Variants in GALNT14 observed in about 807,000 individuals in gnomAD.
The protein encoded by GALNT14 is polypeptide N-acetylgalactosaminyltransferase 14.
GALNT14 carries 60 observed loss-of-function variants against 77.5 expected under a neutral mutation model. The ratio of observed to expected loss-of-function variants is 0.77; its 90% CI spans 0.63 to 0.96. GALNT14 has a LOEUF of 0.96. Among genes scored for constraint, GALNT14 ranks in the 40% least tolerant of loss-of-function variants. The pLI is 0.00. For missense variants in GALNT14, 710 were observed against 731.0 expected (o/e 0.97, Z 0.33); for synonymous variants, 280 against 281.7 (o/e 0.99, Z 0.06).
In GALNT14 at chr2:30,921,267, C is replaced by T. The variant is rs145668882; in HGVS notation, c.1380+2852G>A. On this transcript the variant is annotated intron_variant, in intron 13 of 14. Transcript: ENST00000349752. ...GAAAAGTCCCCTGTTCTGCTGGAAA[C>T]AGACCAAGCACACTCCTGCCCCAGG... Among the ~76,000 whole-genome samples the T allele has an allele frequency of 2.8e-3, 428 of 152,276 alleles. 4 individuals carry two copies. Among genetic ancestry groups the T allele is most frequent in the African/African-American group, 0.01 (418 of 41,548 alleles).
intron 6 of GALNT14, among the ~76,000 whole-genome samples, chr2:30,948,177 C>A (rs1666817530): frequency 1.3e-5 from 2 of 152,240 alleles, no homozygotes; most frequent in South Asian, 4.1e-4. Flanking sequence ...TCAGAGATAT[C>A]TTCTGTATGT....
At chr2:31,105,560 T>C (rs1358072152) in intron 1 of GALNT14, among the ~76,000 whole-genome samples, 3 of 152,032 alleles carry the variant, frequency 2.0e-5, no homozygotes, top group African/African-American at 7.2e-5. Context: ...ACCCCATCTC[T>C]ACTAAAAATA....
intron 1 of GALNT14, among the ~76,000 whole-genome samples, chr2:31,117,738 C>A (rs1343574399): frequency 6.6e-6 from 1 of 152,160 alleles, no homozygotes; most frequent in African/African-American, 2.4e-5. Flanking sequence ...GTGAAAAGAC[C>A]TGTTACCATA....
intron 6 of GALNT14, among the ~76,000 whole-genome samples, chr2:30,951,513 G>A (rs937465599): frequency 6.6e-6 from 1 of 152,180 alleles, no homozygotes; most frequent in African/African-American, 2.4e-5. Flanking sequence ...CTTTTGGGGT[G>A]ATGAAAACTT....
Position 30,912,254 on chromosome 2 carries a change from A to G in GALNT14, c.1469T>C (p.Leu490Pro). 1 of 1,614,198 alleles carries G rather than the reference A, an allele frequency of 6.2e-7. No individual in the cohort carries two copies. Among genetic ancestry groups the G allele is most frequent in the Non-Finnish European group, 8.5e-7 (1 of 1,180,024 alleles). Residue 490 changes from leucine to proline, a missense_variant, in exon 14 of 15, where the codon CTT becomes CCT. Coordinates refer to ENST00000349752, the MANE Select transcript of GALNT14 (RefSeq NM_024572.4). ...ITLFPGAPVV[L>P]VLCKNGDDRQ... ...GTCATCTCCATTCTTGCAAAGGACA[A>G]GAACCACTGGGGCGCCAGGGAACAA...
intron 1 of GALNT14, among the ~76,000 whole-genome samples, chr2:31,078,571 C>T (rs1675955191): frequency 6.6e-6 from 1 of 152,182 alleles, no homozygotes; most frequent in African/African-American, 2.4e-5. Flanking sequence ...GGTTTCTCTT[C>T]CCACTCCTTG....
At position 31,109,352 on chromosome 2, in the gene GALNT14, A is replaced by G. The variant is rs975667849; in HGVS notation, c.129+28606T>C. ...CCTTTTACTTCTCCACGAGAAACAG[A>G]TAACAGAAGGAAGCCACCCATTGAG... On this transcript the variant is annotated intron_variant, in intron 1 of 14. Transcript: ENST00000349752. Among the ~76,000 whole-genome samples the G allele has an allele frequency of 3.3e-5, 5 of 152,244 alleles. No homozygotes were observed. In the East Asian group the frequency reaches 7.7e-4, roughly 23 times the overall value.
intron 1 of GALNT14, among the ~76,000 whole-genome samples, chr2:31,085,560 G>A (rs1034132247): frequency 7.2e-5 from 11 of 152,306 alleles, no homozygotes; most frequent in African/African-American, 2.2e-4. Flanking sequence ...TCCATGCCAC[G>A]GCACCTGGGA....
At chr2:31,021,156 G>A (rs985788778) in intron 1 of GALNT14, among the ~76,000 whole-genome samples, 12 of 152,146 alleles carry the variant, frequency 7.9e-5, no homozygotes, top group African/African-American at 2.7e-4. Flanking sequence ...CCATTTTAGA[G>A]GTGTGGAAGG....
At chr2:30,981,921 T>C (rs1348887430) in intron 2 of GALNT14, among the ~76,000 whole-genome samples, 1 of 152,134 alleles carries the variant, frequency 6.6e-6, no homozygotes, top group Non-Finnish European at 1.5e-5. Flanking sequence ...AGGCCAGTTA[T>C]TTCTTCCCCT....
At chr2:31,132,941 G>A (rs1166762882) in intron 1 of GALNT14, among the ~76,000 whole-genome samples, 3 of 152,066 alleles carry the variant, frequency 2.0e-5, no homozygotes, top group Non-Finnish European at 4.4e-5. Flanking sequence ...ATCCTACACT[G>A]GGTGGATCAG....
chr2:31,043,607 T>C (rs2148504357), intron 1 of GALNT14, among the ~76,000 whole-genome samples: 1 of 152,100 alleles, frequency 6.6e-6, no homozygotes, highest in South Asian at 2.1e-4. Context: ...CCAGACAAGA[T>C]ATTAAAACTC....
chr2:31,011,259 C>T (rs1350632416), intron 1 of GALNT14, among the ~76,000 whole-genome samples: 12 of 152,184 alleles, frequency 7.9e-5, no homozygotes, highest in Non-Finnish European at 1.5e-4. Flanking sequence ...AAGTAAAGCA[C>T]TAAGCTCTGT....
chr2:30,903,068 A>G, the GALNT14 span, among the ~76,000 whole-genome samples: 2 of 152,256 alleles, frequency 1.3e-5, no homozygotes, highest in Non-Finnish European at 2.9e-5. Flanking sequence ...CAAAAGAGCC[A>G]CATCGTAACT....
At chr2:31,091,494 C>T (rs1676735405) in intron 1 of GALNT14, among the ~76,000 whole-genome samples, 1 of 152,118 alleles carries the variant, frequency 6.6e-6, no homozygotes, top group Non-Finnish European at 1.5e-5. Flanking sequence ...TGTACTTGCC[C>T]CAAGGCCACT....
chr2:31,001,264 A>G (rs540748142), intron 1 of GALNT14, among the ~76,000 whole-genome samples: 4 of 152,278 alleles, frequency 2.6e-5, no homozygotes, highest in Admixed American at 2.6e-4. Context: ...ACTAGATTCT[A>G]CAAGGGTTCT....
chr2:31,089,186 T>C (rs1391096486), intron 1 of GALNT14, among the ~76,000 whole-genome samples: 1 of 152,166 alleles, frequency 6.6e-6, no homozygotes, highest in Non-Finnish European at 1.5e-5. Context: ...CTCCTTCCTA[T>C]AGCATTTGCA....
intron 1 of GALNT14, among the ~76,000 whole-genome samples, chr2:30,994,877 G>A (rs1005561375): frequency 4.6e-5 from 7 of 152,152 alleles, no homozygotes; most frequent in African/African-American, 9.7e-5. Context: ...AGAGAGACAT[G>A]CATGGAGATG....
At chr2:31,067,911 G>A (rs1358344053) in intron 1 of GALNT14, among the ~76,000 whole-genome samples, 2 of 152,146 alleles carry the variant, frequency 1.3e-5, no homozygotes, top group Non-Finnish European at 2.9e-5. Context: ...ACAGTCTTGG[G>A]GAGGAGCAGG....
Sources: allele counts gnomAD v4.1 joint callset (sites outside exome capture counted in the v4.1 genomes callset), GRCh38; gene constraint gnomAD v4.1.1; transcripts MANE v1.5; gene names NCBI Gene and HGNC (gene_info 2026-07-23, HGNC 2026-07-21).